The following SPATA31D1 variants were observed in gnomAD, a reference collection of about 807,000 sequenced individuals.
SPATA31D1 encodes the protein SPATA31 subfamily D member 1.
Under a neutral mutation model 13.2 loss-of-function variants are expected in SPATA31D1, and 6 were observed. The observed-to-expected ratio is 0.46, with a 90% CI of 0.25 to 0.90. The LOEUF is 0.90. SPATA31D1 is among the 40% of genes least tolerant of loss of function. SPATA31D1 has a pLI of 0.18. For synonymous variants in SPATA31D1, 903 were observed against 718.8 expected (o/e 1.26, Z -4.10); for missense variants, 2,445 against 1,884.7 (o/e 1.30, Z -5.50).
chr9:81,993,191 T>G lies in SPATA31D1; in HGVS notation c.2721T>G (p.Ile907Met). ...SNKQKMLEAH[I>M]KTFRMRMLWG... ...AACAAAAGATGTTGGAAGCCCATAT[T>G]AAAACTTTCCGTATGAGGATGCTGT... Residue 907 changes from isoleucine (I) to methionine (M), a missense_variant, in exon 4 of 4, where the codon ATT becomes ATG. Coordinates refer to ENST00000344803, the MANE Select transcript of SPATA31D1 (RefSeq NM_001001670.3). The G allele has an allele frequency of 1.9e-6, 3 of 1,613,980 alleles. No individual in the cohort carries two copies. Among genetic ancestry groups the G allele is most frequent in the Non-Finnish European group, 2.5e-6 (3 of 1,179,888 alleles).
rs762458418 is a variant in SPATA31D1 at position 81,988,788 on chromosome 9, A to C, written c.-31A>C. On this transcript the variant is annotated 5_prime_UTR_variant, in exon 1 of 4. Coordinates refer to ENST00000344803, the MANE Select transcript of SPATA31D1 (RefSeq NM_001001670.3). ...TTAAGCCTGGGCACCCTCAGTGCTCAGTTGCTTCAGGCAGCTGAGCTATTC... is the reference window on the plus strand; with the variant it reads ...TTAAGCCTGGGCACCCTCAGTGCTCCGTTGCTTCAGGCAGCTGAGCTATTC... The C allele has an allele frequency of 2.5e-6, 4 of 1,612,000 alleles. No individual in the cohort carries two copies. Among genetic ancestry groups the C allele is most frequent in the Non-Finnish European group, 3.4e-6 (4 of 1,179,684 alleles).
chr9:81,994,598 A>G lies in SPATA31D1; in HGVS notation c.4128A>G (p.Glu1376=). 1 of 1,613,048 alleles carries G rather than the reference A, an allele frequency of 6.2e-7. No homozygotes were observed. The highest frequency in any genetic ancestry group is 8.5e-7 in the Non-Finnish European group (1 of 1,179,414). Residue 1376 remains glutamate, a synonymous_variant, in exon 4 of 4, where the codon GAA becomes GAG. Coordinates refer to ENST00000344803, the MANE Select transcript of SPATA31D1 (RefSeq NM_001001670.3). ...ISYEEQESSW[E]KGSSLSSCVQ... is the part of the protein sequence containing the mutation. ...ATGAAGAACAAGAAAGTTCCTGGGA[A>G]AAGGGTAGCTCCCTGTCATCATGTG... is the stretch of plus-strand genomic sequence containing the variant.
chr9:81,992,558 C>A lies in SPATA31D1; in HGVS notation c.2088C>A (p.Ile696=). The change falls in exon 4 of 4, where the codon ATC becomes ATA. Residue 696 remains isoleucine, a synonymous_variant. Transcript: ENST00000344803. The part of the protein sequence containing the change: ...KLEQHIRRRL[I]QRRWGLPRRI... ...AGCAACACATTCGAAGGAGGCTCAT[C>A]CAGCGCAGATGGGGCCTGCCCCGCA... 6.2e-7 allele frequency: 1 copy of A among 1,612,010 alleles called. No individual in the cohort carries two copies. The highest frequency in any genetic ancestry group is 8.5e-7 in the Non-Finnish European group (1 of 1,179,730).
At position 81,994,526 on chromosome 9, in the gene SPATA31D1, A is replaced by G. The variant is rs752973650; in HGVS notation, c.4056A>G (p.Lys1352=). ...TQPPPENLFR[K]WMKTSLQWFN... ...CTCCTCCTGAAAACCTTTTCAGAAAATGGATGAAGACCTCTTTGCAGTGGT... is the reference window on the plus strand; with the variant it reads ...CTCCTCCTGAAAACCTTTTCAGAAAGTGGATGAAGACCTCTTTGCAGTGGT... The change falls in exon 4 of 4, where the codon AAA becomes AAG. Residue 1352 remains lysine, a synonymous_variant. Coordinates refer to ENST00000344803, the MANE Select transcript of SPATA31D1 (RefSeq NM_001001670.3). 6.2e-7 allele frequency: 1 copy of G among 1,613,526 alleles called. No individual in the cohort carries two copies. The highest frequency in any genetic ancestry group is 8.5e-7 in the Non-Finnish European group (1 of 1,179,690).
In SPATA31D1 at chr9:81,990,862, G is replaced by T. The variant is rs748168267; in HGVS notation, c.392G>T (p.Arg131Leu). 6.2e-7 allele frequency: 1 copy of T among 1,613,852 alleles called. No individual in the cohort carries two copies. The highest frequency in any genetic ancestry group is 1.7e-5 in the Admixed American group (1 of 60,016). ...CTGTTATGCCCAGACCCCGTCTGTC[G>T]GGTGTGTAAGAGAGCAACTGCTGAT... ...RRLLCPDPVC[R>L]VCKRATADIQ... Residue 131 changes from arginine to leucine, a missense_variant, in exon 4 of 4, where the codon CGG (arginine) becomes CTG (leucine). Transcript: ENST00000344803.
intron 1 of SPATA31D1, 84 bp from the exon 2 acceptor site, chr9:81,989,694 A>G (rs1166509872): frequency 3.7e-6 from 5 of 1,349,824 alleles, no homozygotes; most frequent in Non-Finnish European, 4.2e-6. Context: ...TAATGAATGA[A>G]TGAATGAATG....
At position 81,991,706 on chromosome 9, in the gene SPATA31D1, G is replaced by T; in HGVS notation, c.1236G>T (p.Leu412=). ...TCTCATTTCTCAGCCATGACATTCT[G>T]GCACTCCTGGAGAGACAAGTCAAAA... ...VNISFLSHDI[L]ALLERQVKKR... is the part of the protein sequence containing the mutation. The change falls in exon 4 of 4, where the codon CTG becomes CTT. Residue 412 remains leucine, a synonymous_variant. Transcript: ENST00000344803. 1.2e-6 allele frequency: 2 copies of T among 1,613,794 alleles called. No homozygotes were observed. Among genetic ancestry groups the T allele is most frequent in the Non-Finnish European group, 1.7e-6 (2 of 1,179,810 alleles).
Position 81,992,764 on chromosome 9 carries a change from C to T in SPATA31D1, c.2294C>T (p.Ser765Phe), listed in dbSNP as rs368073850. 1.7e-5 allele frequency: 27 copies of T among 1,613,646 alleles called. 1 individual carries two copies. The highest frequency in any genetic ancestry group is 1.6e-4 in the Middle Eastern group (1 of 6,078). ...CACGAGAGGAGCTCAAATATGCTTT[C>T]CATGGAGAATGTGGGGAATTATCAG... The part of the protein sequence containing the change: ...SFHERSSNML[S>F]MENVGNYQGY... The change falls in exon 4 of 4, where the codon TCC becomes TTC. Residue 765 changes from serine to phenylalanine, a missense_variant. Coordinates refer to ENST00000344803, the MANE Select transcript of SPATA31D1 (RefSeq NM_001001670.3).
In SPATA31D1 at chr9:81,990,892, A is replaced by T. The variant is rs750064564; in HGVS notation, c.422A>T (p.Gln141Leu). ...TGTAAGAGAGCAACTGCTGATATCCAGCAACTGCTGTCTTGGGAGTCCCTG... is the reference window on the plus strand; with the variant it reads ...TGTAAGAGAGCAACTGCTGATATCCTGCAACTGCTGTCTTGGGAGTCCCTG... ...RVCKRATADI[Q>L]QLLSWESLKD... Residue 141 changes from glutamine (Q) to leucine (L), a missense_variant, in exon 4 of 4, where the codon CAG becomes CTG. Gln to Leu is a moderately radical substitution (Grantham distance 113). Transcript: ENST00000344803. 8 of 1,613,920 alleles carry T rather than the reference A, an allele frequency of 5.0e-6. No individual in the cohort carries two copies. Among genetic ancestry groups the T allele is most frequent in the Non-Finnish European group, 1.7e-6 (2 of 1,179,888 alleles).
chr9:81,993,880 TAGACAGGCTTC>T lies in SPATA31D1; in HGVS notation c.3413_3423del (p.Asp1138GlyfsTer3). ...AAGAGAAAGAGTTCCTTTCATAATGTAGACAGGCTTCAGGGCAGTAGAAAGACCTTTCCTGT... is the reference window on the plus strand; with the variant it reads ...AAGAGAAAGAGTTCCTTTCATAATGTAGGGCAGTAGAAAGACCTTTCCTGT... On this transcript the variant is annotated frameshift_variant, in exon 4 of 4. Coordinates refer to ENST00000344803, the MANE Select transcript of SPATA31D1 (RefSeq NM_001001670.3). LOFTEE classifies it low-confidence loss of function (END_TRUNC). 1 of 1,613,994 alleles carries T rather than the reference TAGACAGGCTTC, an allele frequency of 6.2e-7. No individual in the cohort carries two copies. The highest frequency in any genetic ancestry group is 8.5e-7 in the Non-Finnish European group (1 of 1,179,890).
chr9:81,992,556 A>T lies in SPATA31D1; in HGVS notation c.2086A>T (p.Ile696Phe), dbSNP rs1297373383. The T allele has an allele frequency of 3.7e-6, 6 of 1,611,662 alleles. No homozygotes were observed. In the Admixed American group the frequency reaches 5.0e-5, roughly 13 times the overall value. Residue 696 changes from isoleucine to phenylalanine, a missense_variant, in exon 4 of 4, where the codon ATC (isoleucine) becomes TTC (phenylalanine). Coordinates refer to ENST00000344803, the MANE Select transcript of SPATA31D1 (RefSeq NM_001001670.3). The stretch of plus-strand genomic sequence containing the variant: ...AGAGCAACACATTCGAAGGAGGCTC[A>T]TCCAGCGCAGATGGGGCCTGCCCCG... ...KLEQHIRRRL[I>F]QRRWGLPRRI...
Position 81,992,112 on chromosome 9 carries a change from C to A in SPATA31D1, c.1642C>A (p.Pro548Thr). The A allele has an allele frequency of 1.9e-6, 3 of 1,613,684 alleles. No individual in the cohort carries two copies. In the South Asian group the frequency reaches 3.3e-5, roughly 18 times the overall value. ...TATATCCCATGAATCCCCAGTACTT[C>A]CCCCTCCCCAACCTCTGTCCTTGCC... ...TSISHESPVL[P>T]PPQPLSLPST... Residue 548 changes from proline to threonine, a missense_variant, in exon 4 of 4, where the codon CCC (proline) becomes ACC (threonine). By Grantham distance (38) the Pro-to-Thr change is conservative. Transcript: ENST00000344803.
In SPATA31D1 at chr9:81,994,284, C is replaced by A. The variant is rs1468248564; in HGVS notation, c.3814C>A (p.Pro1272Thr). The change falls in exon 4 of 4, where the codon CCC becomes ACC. Residue 1272 changes from proline (P) to threonine (T), a missense_variant. Coordinates refer to ENST00000344803, the MANE Select transcript of SPATA31D1 (RefSeq NM_001001670.3). Reference sequence around the variant, plus strand: ...AATCCGTGTGGCACAGAAGCAGGAGCCCAGGGTCCCTACCTGTGTCTTACA... The same window carrying A: ...AATCCGTGTGGCACAGAAGCAGGAGACCAGGGTCCCTACCTGTGTCTTACA... ...SGIRVAQKQE[P>T]RVPTCVLQKC... 1 of 1,613,814 alleles carries A rather than the reference C, an allele frequency of 6.2e-7. No individual in the cohort carries two copies. The highest frequency in any genetic ancestry group is 8.5e-7 in the Non-Finnish European group (1 of 1,179,892).
Position 81,991,642 on chromosome 9 carries a change from G to A in SPATA31D1, c.1172G>A (p.Gly391Glu), listed in dbSNP as rs1413159507. The change falls in exon 4 of 4, where the codon GGG becomes GAG. Residue 391 changes from glycine to glutamate, a missense_variant. Transcript: ENST00000344803. ...CTTCATTCTTCTGAGGCCTTTTTAG[G>A]GGGGCACTCTGTGGCCAACCTCATA... ...LTLHSSEAFL[G>E]GHSVANLIEP... 9 of 1,613,846 alleles carry A rather than the reference G, an allele frequency of 5.6e-6. No homozygotes were observed. The highest frequency in any genetic ancestry group is 1.1e-5 in the South Asian group (1 of 91,068).
upstream of SPATA31D1, among the ~76,000 whole-genome samples, chr9:81,988,049 A>G (rs1412628599): frequency 6.6e-6 from 1 of 152,184 alleles, no homozygotes; most frequent in Non-Finnish European, 1.5e-5. Context: ...CCAATCAACT[A>G]TTAATTCCAG....
At position 81,990,964 on chromosome 9, in the gene SPATA31D1, C is replaced by G. The variant is rs536036092; in HGVS notation, c.494C>G (p.Ala165Gly). 25 of 1,613,810 alleles carry G rather than the reference C, an allele frequency of 1.5e-5. No individual in the cohort carries two copies. The highest frequency in any genetic ancestry group is 3.3e-4 in the Middle Eastern group (2 of 6,056). Residue 165 changes from alanine (A) to glycine (G), a missense_variant, in exon 4 of 4, where the codon GCG (alanine) becomes GGG (glycine). Ala to Gly is a moderately conservative substitution (Grantham distance 60). Coordinates refer to ENST00000344803, the MANE Select transcript of SPATA31D1 (RefSeq NM_001001670.3). ...TCCCCTTTGGCTTCTTCGGCTTCTG[C>G]GACTGAGTCATCGTTCACTCTGGCT... ...SVSPLASSAS[A>G]TESSFTLAST...
Position 81,994,113 on chromosome 9 carries a change from C to A in SPATA31D1, c.3643C>A (p.His1215Asn), listed in dbSNP as rs1441781137. ...LSQLKLVQRK[H>N]SQPQSHFTDM... Reference sequence around the variant, plus strand: ...CCAGTTAAAGTTGGTCCAGAGGAAGCATAGCCAACCTCAGAGCCATTTCAC... The same window carrying A: ...CCAGTTAAAGTTGGTCCAGAGGAAGAATAGCCAACCTCAGAGCCATTTCAC... The change falls in exon 4 of 4, where the codon CAT becomes AAT. Residue 1215 changes from histidine to asparagine, a missense_variant. Physicochemically the swap from His to Asn is moderately conservative, Grantham distance 68. Transcript: ENST00000344803. The A allele has an allele frequency of 6.2e-7, 1 of 1,613,954 alleles. No homozygotes were observed. Among genetic ancestry groups the A allele is most frequent in the South Asian group, 1.1e-5 (1 of 91,074 alleles).
Position 81,994,325 on chromosome 9 carries a change from G to A in SPATA31D1, c.3855G>A (p.Thr1285=), listed in dbSNP as rs539147406. The change falls in exon 4 of 4, where the codon ACG becomes ACA. Residue 1285 remains threonine, a synonymous_variant. Coordinates refer to ENST00000344803, the MANE Select transcript of SPATA31D1 (RefSeq NM_001001670.3). ...GTGTCTTACAGAAGTGTCAAGTTAC[G>A]AATTTCCCACCAGCTGTAAACAGAG... ...PTCVLQKCQV[T]NFPPAVNRVS... is the part of the protein sequence containing the mutation. The A allele has an allele frequency of 4.3e-6, 7 of 1,613,818 alleles. No individual in the cohort carries two copies. In the African/African-American group the frequency reaches 5.3e-5, roughly 12 times the overall value.
chr9:81,991,854 C>G lies in SPATA31D1; in HGVS notation c.1384C>G (p.His462Asp). Reference protein sequence around the residue: ...RNMLTSIAVKHDLAESFPFWA... With the variant: ...RNMLTSIAVKDDLAESFPFWA... ...TATGTTAACCTCAATTGCTGTTAAG[C>G]ATGACTTGGCAGAATCCTTTCCTTT... Residue 462 changes from histidine to aspartate, a missense_variant, in exon 4 of 4, where the codon CAT becomes GAT. His to Asp is a moderately conservative substitution (Grantham distance 81, BLOSUM62 -1). Coordinates refer to ENST00000344803, the MANE Select transcript of SPATA31D1 (RefSeq NM_001001670.3). The G allele has an allele frequency of 6.2e-7, 1 of 1,613,810 alleles. No individual in the cohort carries two copies.
Sources: gnomAD v4.1 joint callset for allele counts (sites outside exome capture counted in the v4.1 genomes callset) on GRCh38, gnomAD v4.1.1 for gene constraint, MANE v1.5 for transcripts, NCBI Gene and HGNC (gene_info 2026-07-23, HGNC 2026-07-21) for gene names.